The following DBT variants were observed in gnomAD, a reference collection of about 807,000 sequenced individuals.
DBT encodes dihydrolipoamide branched chain transacylase E2.
A neutral mutation model predicts 51.3 loss-of-function variants in DBT; 40 were observed. The ratio of observed to expected loss-of-function variants is 0.78; its 90% CI spans 0.61 to 1.02. The LOEUF (loss-of-function observed/expected upper bound fraction) is 1.02, where lower values mean the gene tolerates loss of function less well. DBT is among the 50% of genes least tolerant of loss of function. DBT has a pLI of 0.00. For missense variants in DBT, 510 were observed against 580.2 expected, an observed-to-expected ratio of 0.88 and a Z score of 1.24; for synonymous variants, 181 against 190.4, an observed-to-expected ratio of 0.95 and a Z score of 0.41.
At chr1:100,221,923 G>A (rs1662876435) in intron 4 of DBT, among the ~76,000 whole-genome samples, 1 of 152,108 alleles carries the variant, frequency 6.6e-6, no homozygotes, top group Non-Finnish European at 1.5e-5. Context: ...ACTCAGCTAG[G>A]AGAAATTCTT....
intron 4 of DBT, among the ~76,000 whole-genome samples, chr1:100,228,841 A>G (rs1049714742): frequency 1.1e-4 from 16 of 152,206 alleles, no homozygotes; most frequent in Non-Finnish European, 2.2e-4. Flanking sequence ...TACAGCATAT[A>G]CAATATATTA....
chr1:100,236,581 C>G (rs754997000), intron 2 of DBT, among the ~76,000 whole-genome samples: 8 of 152,164 alleles, frequency 5.3e-5, no homozygotes, highest in Non-Finnish European at 1.2e-4. Flanking sequence ...GTTGGGTCCT[C>G]TCACAGCTTG....
chr1:100,221,652 C>A (rs149715505), intron 4 of DBT, among the ~76,000 whole-genome samples: 1 of 152,232 alleles, frequency 6.6e-6, no homozygotes, highest in Non-Finnish European at 1.5e-5. Flanking sequence ...GATGATTGAT[C>A]TTCAGTTAGG....
intron 7 of DBT, among the ~76,000 whole-genome samples, chr1:100,213,831 C>T (rs1345313051): frequency 6.6e-6 from 1 of 152,090 alleles, no homozygotes; most frequent in African/African-American, 2.4e-5. Context: ...CGTGGAGAGG[C>T]AGCGCTGCTG....
At position 100,188,304 on chromosome 1, in the gene DBT, C is replaced by T. The variant is rs927909268; in HGVS notation, c.*7951G>A. On this transcript the variant is annotated 3_prime_UTR_variant, in exon 11 of 11. Coordinates refer to ENST00000370132, the MANE Select transcript of DBT (RefSeq NM_001918.5). ...ACCTGCCCACAACTTAATTTACTTG[C>T]CTTTGTTACTACAGTTTGAACTCCA... is the stretch of plus-strand genomic sequence containing the variant. 1.3e-5 allele frequency: 2 copies of T among 152,188 alleles called. No individual in the cohort carries two copies. Among genetic ancestry groups the T allele is most frequent in the African/African-American group, 2.4e-5 (1 of 41,444 alleles). 9.4% of individuals were successfully genotyped at this position (152,188 alleles called of 1,614,324 possible).
intron 1 of DBT, among the ~76,000 whole-genome samples, chr1:100,244,057 C>A (rs1570851484): frequency 2.8e-5 from 3 of 105,890 alleles, no homozygotes; most frequent in Admixed American, 1.2e-4. Context: ...GAGCAAAATT[C>A]TATCTCAAAA....
intron 2 of DBT, among the ~76,000 whole-genome samples, chr1:100,236,551 T>G (rs568129660): frequency 3.3e-5 from 5 of 152,334 alleles, no homozygotes; most frequent in Admixed American, 3.3e-4. Context: ...ATTAGGTACC[T>G]CTTACTTCCT....
chr1:100,197,043 G>A lies in DBT; in HGVS notation c.1282-621C>T, dbSNP rs1448986828. ...TGCTTTGGATATTGCCAACAAAATT[G>A]GGATCATCTAAAATGAACCCAGCTA... On this transcript the variant is annotated intron_variant, in intron 10 of 10. Transcript: ENST00000370132. The A allele has an allele frequency of 6.7e-5, 14 of 208,156 alleles. No homozygotes were observed. In the East Asian group the frequency reaches 1.6e-3, roughly 23 times the overall value. 12.9% of individuals were successfully genotyped at this position (208,156 alleles called of 1,614,324 possible).
intron 4 of DBT, among the ~76,000 whole-genome samples, chr1:100,225,042 A>AATATAT (rs1553231588): frequency 2.2e-5 from 1 of 45,630 alleles, no homozygotes; most frequent in African/African-American, 6.7e-5. Context: ...AAAAAAAAAA[A>AATATAT]ATATATATAT....
At chr1:100,214,510 T>G (rs1422837983) in intron 7 of DBT, among the ~76,000 whole-genome samples, 5 of 152,104 alleles carry the variant, frequency 3.3e-5, no homozygotes, top group Non-Finnish European at 5.9e-5. Flanking sequence ...TCCAGCACTT[T>G]GGGAGGCTGG....
intron 4 of DBT, 38 bp from the exon 5 acceptor site, chr1:100,218,785 A>AT: frequency 3.1e-6 from 5 of 1,607,276 alleles, no homozygotes; most frequent in East Asian, 2.2e-5. Flanking sequence ...GTTGAAAAAA[A>AT]ATTTTTTTTT....
intron 1 of DBT, among the ~76,000 whole-genome samples, chr1:100,241,800 C>T (rs547149175): frequency 2.0e-3 from 300 of 152,228 alleles, no homozygotes; most frequent in African/African-American, 6.8e-3. Context: ...GGGCAGATCA[C>T]GAGGTAGGGA....
chr1:100,220,405 C>A (rs1434727990), intron 4 of DBT, among the ~76,000 whole-genome samples: 1 of 152,168 alleles, frequency 6.6e-6, no homozygotes, highest in African/African-American at 2.4e-5. Context: ...GAACAGACAA[C>A]TGAATCTGCT....
At chr1:100,212,412 C>T (rs1235476171) in intron 7 of DBT, among the ~76,000 whole-genome samples, 2 of 151,960 alleles carry the variant, frequency 1.3e-5, no homozygotes, top group Non-Finnish European at 2.9e-5. Context: ...GTGGTGCACA[C>T]CTGTGGTTCC....
At chr1:100,232,183 T>C (rs529627339) in intron 3 of DBT, among the ~76,000 whole-genome samples, 2 of 152,382 alleles carry the variant, frequency 1.3e-5, no homozygotes, top group East Asian at 3.9e-4. Context: ...TAGGCTAGGC[T>C]AAACTATGAT....
At chr1:100,212,186 C>G (rs1361207278) in intron 7 of DBT, among the ~76,000 whole-genome samples, 2 of 151,968 alleles carry the variant, frequency 1.3e-5, no homozygotes, top group African/African-American at 4.8e-5. Flanking sequence ...GAGTATAATC[C>G]AAATTTTGTC....
Sources: gnomAD v4.1 joint callset for allele counts (sites outside exome capture counted in the v4.1 genomes callset) on GRCh38, gnomAD v4.1.1 for gene constraint, MANE v1.5 for transcripts, NCBI Gene and HGNC (gene_info 2026-07-23, HGNC 2026-07-21) for gene names.